The following CEP83 variants were observed in gnomAD, a reference collection of about 807,000 sequenced individuals.
CEP83 encodes centrosomal protein of 83 kDa.
CEP83 carries 70 observed loss-of-function variants against 101.9 expected under a neutral mutation model. The observed-to-expected ratio is 0.69, with a 90% confidence interval of 0.57 to 0.84. The LOEUF (loss-of-function observed/expected upper bound fraction) is 0.84. Ranked by LOEUF, CEP83 falls within the 40% of genes least tolerant of loss-of-function variation. CEP83 has a pLI of 0.00. For synonymous variants in CEP83, 264 were observed against 267.9 expected (o/e 0.99, Z 0.14); for missense variants, 715 against 787.2 (o/e 0.91, Z 1.10).
intron 14 of CEP83, among the ~76,000 whole-genome samples, chr12:94,313,781 G>A (rs578173392): frequency 6.6e-6 from 1 of 152,210 alleles, no homozygotes; most frequent in South Asian, 2.1e-4. Flanking sequence ...AGGTTGCAGT[G>A]AGCCGAGATT....
chr12:94,378,794 C>T lies in CEP83; in HGVS notation c.798G>A (p.Leu266=), dbSNP rs1165476926. The T allele has an allele frequency of 6.2e-7, 1 of 1,613,888 alleles. No individual in the cohort carries two copies. Residue 266 remains leucine (L), a synonymous_variant, in exon 7 of 17, where the codon CTG becomes CTA. Transcript: ENST00000397809. ...LAEMQATVRS[L]EAEKQSANLR... The stretch of plus-strand genomic sequence containing the variant: ...TGGGAAGTAATTAGAATCTTACCTC[C>T]AGGGATCTGACTGTAGCCTGCATCT...
intron 2 of CEP83, among the ~76,000 whole-genome samples, chr12:94,427,859 A>G (rs561563324): frequency 1.2e-4 from 19 of 152,312 alleles, no homozygotes; most frequent in African/African-American, 4.6e-4. Context: ...TCACCCAAAC[A>G]GCCTTTGGAT....
chr12:94,418,493 T>C (rs753114007), intron 2 of CEP83, among the ~76,000 whole-genome samples: 15 of 152,272 alleles, frequency 9.9e-5, no homozygotes, highest in South Asian at 2.1e-4. Context: ...GGCTGAACAA[T>C]AGACAGAAAA....
chr12:94,437,820 T>C (rs1387008668), intron 1 of CEP83, among the ~76,000 whole-genome samples: 1 of 151,764 alleles, frequency 6.6e-6, no homozygotes, highest in African/African-American at 2.4e-5. Flanking sequence ...AATAACACAA[T>C]GCAAACAAAA....
At chr12:94,390,472 T>G (rs1039018911) in intron 6 of CEP83, among the ~76,000 whole-genome samples, 1 of 151,616 alleles carries the variant, frequency 6.6e-6, no homozygotes, top group African/African-American at 2.4e-5. Context: ...CATCTTTAGG[T>G]CAACAACATC....
the CEP83 span, among the ~76,000 whole-genome samples, chr12:94,271,954 G>A: frequency 1.3e-5 from 2 of 152,120 alleles, no homozygotes; most frequent in East Asian, 1.9e-4. Context: ...ACATATGACC[G>A]CTGTGATGGG....
intron 7 of CEP83, among the ~76,000 whole-genome samples, chr12:94,376,896 C>A (rs2061583560): frequency 6.6e-6 from 1 of 151,940 alleles, no homozygotes; most frequent in African/African-American, 2.4e-5. Context: ...CACACCATGG[C>A]ACCTGGCTAA....
intron 1 of CEP83, 48 bp downstream of exon 1, chr12:94,459,509 T>C (rs2067985121): frequency 6.6e-6 from 1 of 152,146 alleles, no homozygotes; most frequent in Admixed American, 6.5e-5. Flanking sequence ...AAAATGAGTA[T>C]TCCAAAATAC....
chr12:94,412,245 A>G, intron 3 of CEP83, 73 bp downstream of exon 3: 1 of 1,227,574 alleles, frequency 8.1e-7, no homozygotes, highest in Non-Finnish European at 1.1e-6. Flanking sequence ...TATATTCTAT[A>G]GCAAACATTC....
the CEP83 span, chr12:94,279,715 T>G: frequency 1.5e-6 from 2 of 1,361,676 alleles, no homozygotes; most frequent in African/African-American, 3.3e-5. Flanking sequence ...CTGCCCTCCC[T>G]CCCTGTCCCC....
intron 11 of CEP83, among the ~76,000 whole-genome samples, chr12:94,342,593 G>T (rs1467145663): frequency 6.6e-6 from 1 of 151,960 alleles, no homozygotes; most frequent in Non-Finnish European, 1.5e-5. Context: ...TACTTAATTC[G>T]CCCATTAAAA....
intron 11 of CEP83, among the ~76,000 whole-genome samples, chr12:94,364,073 A>G (rs1360838586): frequency 2.6e-5 from 4 of 152,120 alleles, no homozygotes; most frequent in Non-Finnish European, 1.5e-5. Context: ...TAAAAGACAG[A>G]AAGTGAAATG....
intron 13 of CEP83, 103 bp downstream of exon 13, chr12:94,333,378 TA>T: frequency 1.0e-6 from 1 of 971,850 alleles, no homozygotes; most frequent in Non-Finnish European, 1.5e-6. Flanking sequence ...AGTGTATTTG[TA>T]ACTAGTTTCT....
chr12:94,333,435 A>G, intron 13 of CEP83, 47 bp downstream of exon 13: 5 of 1,532,618 alleles, frequency 3.3e-6, no homozygotes, highest in Non-Finnish European at 4.4e-6. Flanking sequence ...AGTACATGTT[A>G]TATAGAAAAA....
At chr12:94,444,567 CTTCTT>C (rs1566228716) in intron 1 of CEP83, among the ~76,000 whole-genome samples, 1 of 152,168 alleles carries the variant, frequency 6.6e-6, no homozygotes, top group East Asian at 1.9e-4. Flanking sequence ...GTTCAAGAAT[CTTCTT>C]TTATTTGTCA....
the CEP83 span, among the ~76,000 whole-genome samples, chr12:94,266,416 G>C: frequency 6.6e-6 from 1 of 152,220 alleles, no homozygotes; most frequent in African/African-American, 2.4e-5. Context: ...AGGCCGGAGA[G>C]TGGGCTGCAT....
intron 15 of CEP83, chr12:94,312,712 T>G: frequency 2.0e-6 from 2 of 985,392 alleles, no homozygotes; most frequent in Non-Finnish European, 2.4e-6. Flanking sequence ...GGCAAACACC[T>G]GGTATGTGAC....
At chr12:94,343,114 G>T (rs1052042275) in intron 11 of CEP83, among the ~76,000 whole-genome samples, 6 of 149,164 alleles carry the variant, frequency 4.0e-5, no homozygotes, top group African/African-American at 1.5e-4. Context: ...TATATATATA[G>T]AACTTCATAT....
At chr12:94,414,733 T>TA (rs1231933343) in intron 2 of CEP83, among the ~76,000 whole-genome samples, 1 of 152,190 alleles carries the variant, frequency 6.6e-6, no homozygotes, top group Non-Finnish European at 1.5e-5. Flanking sequence ...TCTTGACTTC[T>TA]AAAGCTTTAC....
Sources: allele counts gnomAD v4.1 joint callset (sites outside exome capture counted in the v4.1 genomes callset), GRCh38; gene constraint gnomAD v4.1.1; transcripts MANE v1.5; gene names NCBI Gene and HGNC (gene_info 2026-07-23, HGNC 2026-07-21).